The following VPS39 variants were observed in gnomAD, a reference collection of about 807,000 sequenced individuals.
VPS39 encodes the protein vam6/Vps39-like protein.
VPS39 carries 70 observed loss-of-function variants against 121.0 expected under a neutral mutation model. The observed-to-expected ratio is 0.58, with a 90% CI of 0.48 to 0.71. The LOEUF (loss-of-function observed/expected upper bound fraction) is 0.71. Ranked by LOEUF, VPS39 falls within the 30% of genes least tolerant of loss-of-function variation. The probability of loss-of-function intolerance (pLI) is 0.00; values close to 1 mark genes in which losing one functional copy is unlikely to be tolerated. For missense variants in VPS39, 818 were observed against 1,051.5 expected, an observed-to-expected ratio of 0.78 and a Z score of 3.07; for synonymous variants, 378 against 398.1, an observed-to-expected ratio of 0.95 and a Z score of 0.60.
At chr15:42,180,055 C>T (rs141619841) in intron 8 of VPS39, among the ~76,000 whole-genome samples, 276 of 152,142 alleles carry the variant, frequency 1.8e-3, no homozygotes, top group African/African-American at 6.2e-3. Context: ...CACCAGATGC[C>T]GGCACCCTGA....
chr15:42,192,090 C>T, intron 2 of VPS39: 1 of 1,536,430 alleles, frequency 6.5e-7, no homozygotes, highest in Non-Finnish European at 8.7e-7. Context: ...GATGCTACAT[C>T]TGCTGGCACT....
rs2049093808 is a variant in VPS39 at position 42,159,753 on chromosome 15, G to GT, written c.*1000dup. On this transcript the variant is annotated 3_prime_UTR_variant, in exon 25 of 25. Coordinates refer to ENST00000318006, the MANE Select transcript of VPS39 (RefSeq NM_015289.5). The stretch of plus-strand genomic sequence containing the variant: ...TGGGGAGTGACGGCCAGGGCAGGCT[G>GT]TAAGGCAAGTGAATGGAAACTGGCT... 1 of 152,530 alleles carries GT rather than the reference G, an allele frequency of 6.6e-6. No individual in the cohort carries two copies. Among genetic ancestry groups the GT allele is most frequent in the East Asian group, 1.9e-4 (1 of 5,202 alleles). 9.4% of individuals were successfully genotyped at this position (152,530 alleles called of 1,614,324 possible). A position where few individuals can be genotyped will look rare whatever the true frequency, so the allele number is the denominator to read the frequency against.
In VPS39 at chr15:42,167,484, G is replaced by C; in HGVS notation, c.1287C>G (p.Thr429=). Residue 429 remains threonine (T), a synonymous_variant, in exon 13 of 25, where the codon ACC becomes ACG. Coordinates refer to ENST00000318006, the MANE Select transcript of VPS39 (RefSeq NM_015289.5). ...KLNDSDHQSS[T]SPLMEGTPTI... ...TGGGAGTGCCTTCCATGAGCGGTGA[G>C]GTGCTTGACTGGTGATCAGAGTCAT... 6.2e-7 allele frequency: 1 copy of C among 1,614,060 alleles called. No individual in the cohort carries two copies. Among genetic ancestry groups the C allele is most frequent in the Non-Finnish European group, 8.5e-7 (1 of 1,180,002 alleles).
chr15:42,165,651 T>A, intron 17 of VPS39, 67 bp downstream of exon 17: 1 of 1,311,588 alleles, frequency 7.6e-7, no homozygotes, highest in Non-Finnish European at 1.1e-6. Flanking sequence ...AACAGCCCGA[T>A]AACAGAACCA....
At chr15:42,185,933 G>A (rs1392315506) in intron 7 of VPS39, among the ~76,000 whole-genome samples, 1 of 152,182 alleles carries the variant, frequency 6.6e-6, no homozygotes, top group East Asian at 1.9e-4. Context: ...CACCCTGAAG[G>A]TGATGTCAGC....
intron 2 of VPS39, among the ~76,000 whole-genome samples, chr15:42,194,422 C>T (rs4924631): frequency 0.16 from 24,268 of 151,660 alleles, 3,547 homozygotes; most frequent in African/African-American, 0.38. Context: ...TGCAGTGAGC[C>T]GAGATTATGC....
chr15:42,194,936 G>GAA (rs201505332), intron 2 of VPS39, among the ~76,000 whole-genome samples: 3 of 128,656 alleles, frequency 2.3e-5, no homozygotes, highest in Admixed American at 7.9e-5. Flanking sequence ...TCAATACAGT[G>GAA]AAAAAAAAAA....
Position 42,167,548 on chromosome 15 carries a change from C to CA in VPS39, c.1234-12dup. 2 of 1,613,756 alleles carry CA rather than the reference C, an allele frequency of 1.2e-6. No homozygotes were observed. The highest frequency in any genetic ancestry group is 2.7e-5 in the African/African-American group (2 of 75,002). On this transcript the variant is annotated splice_polypyrimidine_tract_variant and intron_variant, in intron 12 of 24. Transcript: ENST00000318006. The stretch of plus-strand genomic sequence containing the variant: ...CAATTGACTTCGTTTCTGCAAAGGT[C>CA]AAAATGTGGGGTTAAGGCCAGGACT...
rs114023323 is a variant in VPS39 at position 42,207,187 on chromosome 15, C to T, written c.73+894G>A. Reference sequence around the variant, plus strand: ...CAGACACCACCAAGATTCCATAAGGCCCATCATGGTTACCTATCTAGCTCA... The same window carrying T: ...CAGACACCACCAAGATTCCATAAGGTCCATCATGGTTACCTATCTAGCTCA... On this transcript the variant is annotated intron_variant, in intron 1 of 24. Coordinates refer to ENST00000318006, the MANE Select transcript of VPS39 (RefSeq NM_015289.5). 9.8e-3 allele frequency among the ~76,000 whole-genome samples: 1,491 copies of T among 152,250 alleles called. 29 individuals are homozygous for T. Among genetic ancestry groups the T allele is most frequent in the African/African-American group, 0.035 (1,442 of 41,540 alleles).
intron 10 of VPS39, 32 bp from the exon 11 acceptor site, chr15:42,173,884 C>A (rs2049395095): frequency 1.2e-6 from 2 of 1,611,768 alleles, no homozygotes; most frequent in African/African-American, 1.3e-5. Flanking sequence ...TAAGAGTTCA[C>A]TCACTCAACA....
intron 1 of VPS39, among the ~76,000 whole-genome samples, chr15:42,204,873 T>C (rs583541): frequency 0.033 from 5,036 of 152,212 alleles, 213 homozygotes; most frequent in Admixed American, 0.097. Context: ...TATGTATATA[T>C]AGACATACAG....
intron 2 of VPS39, among the ~76,000 whole-genome samples, chr15:42,194,260 G>A (rs976331384): frequency 6.6e-6 from 1 of 151,326 alleles, no homozygotes; most frequent in African/African-American, 2.4e-5. Context: ...GATCACCTGA[G>A]GTCAGGAGTT....
chr15:42,177,065 A>AG (rs947470476), intron 10 of VPS39, among the ~76,000 whole-genome samples: 1 of 144,274 alleles, frequency 6.9e-6, no homozygotes, highest in African/African-American at 2.5e-5. Context: ...CAGGAGGCTG[A>AG]GGTGGGCTGA....
In VPS39 at chr15:42,159,675, C is replaced by T. The variant is rs2049091801; in HGVS notation, c.*1079G>A. On this transcript the variant is annotated 3_prime_UTR_variant, in exon 25 of 25. Transcript: ENST00000318006. ...TCCCCTGCGTGTTGCCGGGACCCAC[C>T]TTCCTGCGCTATCCCAGCACAACTC... 1 of 152,412 alleles carries T rather than the reference C, an allele frequency of 6.6e-6. No individual in the cohort carries two copies. Among genetic ancestry groups the T allele is most frequent in the African/African-American group, 2.4e-5 (1 of 41,476 alleles). The allele number at this position is 152,412 out of a possible 1,614,324, so 9.4% of individuals were successfully genotyped here. A position where few individuals can be genotyped will look rare whatever the true frequency, so the allele number is the denominator to read the frequency against.
chr15:42,200,007 C>T, intron 1 of VPS39, 46 bp from the exon 2 acceptor site: 1 of 1,530,528 alleles, frequency 6.5e-7, no homozygotes. Flanking sequence ...AAAAAACCAG[C>T]TTTGAGAAAG....
At chr15:42,204,192 T>C (rs938066576) in intron 1 of VPS39, among the ~76,000 whole-genome samples, 1 of 152,198 alleles carries the variant, frequency 6.6e-6, no homozygotes, top group South Asian at 2.1e-4. Flanking sequence ...CTTCCCTTCG[T>C]TGGGTAACAT....
At chr15:42,195,677 C>T (rs1246335814) in intron 2 of VPS39, among the ~76,000 whole-genome samples, 2 of 152,124 alleles carry the variant, frequency 1.3e-5, no homozygotes, top group African/African-American at 2.4e-5. Flanking sequence ...AAAGAGGACA[C>T]AAACAAATGG....
rs1227955662 is a variant in VPS39 at position 42,159,438 on chromosome 15, G to A, written c.*1316C>T. 6.6e-6 allele frequency: 1 copy of A among 152,286 alleles called. No homozygotes were observed. The highest frequency in any genetic ancestry group is 2.4e-5 in the African/African-American group (1 of 41,428). 9.4% of individuals were successfully genotyped at this position (152,286 alleles called of 1,614,324 possible). A position where few individuals can be genotyped will look rare whatever the true frequency, so the allele number is the denominator to read the frequency against. On this transcript the variant is annotated 3_prime_UTR_variant, in exon 25 of 25. Coordinates refer to ENST00000318006, the MANE Select transcript of VPS39 (RefSeq NM_015289.5). ...AAACCCCGGGGAGGACAGGAGGCAG[G>A]GCCACTCTCCCTGTGTGTCATCAGC...
intron 19 of VPS39, 26 bp from the exon 20 acceptor site, chr15:42,163,754 C>T (rs1188363592): frequency 1.3e-6 from 2 of 1,555,326 alleles, no homozygotes; most frequent in African/African-American, 2.7e-5. Flanking sequence ...ATATGAGGAA[C>T]CACTGCCGCC....
Sources: gnomAD v4.1 joint callset for allele counts (sites outside exome capture counted in the v4.1 genomes callset) on GRCh38, gnomAD v4.1.1 for gene constraint, MANE v1.5 for transcripts, NCBI Gene and HGNC (gene_info 2026-07-23, HGNC 2026-07-21) for gene names.